The following ADGRL3 variants were observed in gnomAD, a reference collection of about 807,000 sequenced individuals.
ADGRL3 encodes adhesion G protein-coupled receptor L3, also known as calcium-independent alpha-latrotoxin receptor 3.
A neutral mutation model predicts 153.5 loss-of-function variants in ADGRL3; 62 were observed. The ratio of observed to expected loss-of-function variants is 0.40; its 90% CI spans 0.33 to 0.50. The LOEUF is 0.50. Ranked by LOEUF, ADGRL3 falls within the 20% of genes least tolerant of loss-of-function variation. ADGRL3 has a pLI of 0.47. For synonymous variants in ADGRL3, 710 were observed against 672.5 expected, an observed-to-expected ratio of 1.06 and a Z score of -0.86; for missense variants, 1,641 against 1,859.4, an observed-to-expected ratio of 0.88 and a Z score of 2.16.
chr4:61,977,561 G>A (rs2099052483), intron 17 of ADGRL3, among the ~76,000 whole-genome samples: 1 of 152,244 alleles, frequency 6.6e-6, no homozygotes, highest in Admixed American at 6.5e-5. Flanking sequence ...CAAGAGTTAT[G>A]CAGGAATATT....
chr4:61,431,333 T>C (rs2097353353), intron 2 of ADGRL3, among the ~76,000 whole-genome samples: 1 of 152,204 alleles, frequency 6.6e-6, no homozygotes, highest in Admixed American at 6.5e-5. Flanking sequence ...GTCCTCCCCA[T>C]GGCTGTCCTC....
At chr4:62,052,463 A>T (rs546770796) in intron 25 of ADGRL3, among the ~76,000 whole-genome samples, 3 of 151,510 alleles carry the variant, frequency 2.0e-5, no homozygotes, top group Admixed American at 1.3e-4. Context: ...CCGTGTAAGG[A>T]AAAAAATGCT....
chr4:61,668,932 T>C (rs2094898376), intron 5 of ADGRL3, among the ~76,000 whole-genome samples: 1 of 152,100 alleles, frequency 6.6e-6, no homozygotes, highest in African/African-American at 2.4e-5. Context: ...AGTAAGAGGA[T>C]AGCTTGAGCT....
intron 4 of ADGRL3, among the ~76,000 whole-genome samples, chr4:61,550,448 T>G (rs1171149619): frequency 6.6e-6 from 1 of 152,044 alleles, no homozygotes; most frequent in Non-Finnish European, 1.5e-5. Flanking sequence ...CTATGCCTTA[T>G]TTCTACCTTA....
chr4:61,998,986 G>A (rs2099131381), intron 21 of ADGRL3, among the ~76,000 whole-genome samples: 1 of 152,156 alleles, frequency 6.6e-6, no homozygotes, highest in African/African-American at 2.4e-5. Flanking sequence ...ACCAAAAGGG[G>A]AATTTTACAT....
intron 1 of ADGRL3, among the ~76,000 whole-genome samples, chr4:61,214,557 C>T (rs1195123098): frequency 1.3e-5 from 2 of 152,110 alleles, no homozygotes; most frequent in African/African-American, 4.8e-5. Context: ...AGTAATTAAA[C>T]AGAACATTTT....
intron 1 of ADGRL3, among the ~76,000 whole-genome samples, chr4:61,266,860 C>A (rs1186350752): frequency 6.6e-6 from 1 of 151,556 alleles, no homozygotes; most frequent in Admixed American, 6.6e-5. Flanking sequence ...ATCATAGGAA[C>A]GTTGCTGCAA....
At chr4:62,007,443 CACACATATATATACATATATGTGTGT>C (rs1560498169) in intron 21 of ADGRL3, among the ~76,000 whole-genome samples, 35 of 127,274 alleles carry the variant, frequency 2.7e-4, no homozygotes, top group African/African-American at 1.0e-3. Flanking sequence ...TATATATACA[CACACATATATATACATATATGTGTGT>C]GTATATATAT....
At chr4:61,966,156 G>C (rs535900318) in intron 17 of ADGRL3, among the ~76,000 whole-genome samples, 5 of 152,088 alleles carry the variant, frequency 3.3e-5, no homozygotes, top group Non-Finnish European at 7.4e-5. Flanking sequence ...AATGACATGG[G>C]TGTGCGTATG....
chr4:61,952,542 G>A (rs1476572498), intron 17 of ADGRL3, among the ~76,000 whole-genome samples: 1 of 151,790 alleles, frequency 6.6e-6, no homozygotes. Context: ...GAGAGATGGT[G>A]CAGGTATACC....
At chr4:61,978,781 T>C (rs953316477) in intron 17 of ADGRL3, among the ~76,000 whole-genome samples, 4 of 152,188 alleles carry the variant, frequency 2.6e-5, no homozygotes, top group Non-Finnish European at 5.9e-5. Flanking sequence ...TCGTGAACTT[T>C]TTCTTGTTTC....
At chr4:61,252,992 C>A (rs915494288) in intron 1 of ADGRL3, among the ~76,000 whole-genome samples, 2 of 152,094 alleles carry the variant, frequency 1.3e-5, no homozygotes, top group African/African-American at 4.8e-5. Context: ...GTGTGTCATG[C>A]ATGTATTTTT....
At chr4:61,595,848 T>A (rs2098986930) in intron 5 of ADGRL3, among the ~76,000 whole-genome samples, 1 of 152,146 alleles carries the variant, frequency 6.6e-6, no homozygotes, top group African/African-American at 2.4e-5. Flanking sequence ...GATGAGTGAT[T>A]CCCCTCTGTC....
intron 21 of ADGRL3, among the ~76,000 whole-genome samples, chr4:62,002,614 A>G (rs114338952): frequency 0.011 from 1,718 of 152,102 alleles, 9 homozygotes; most frequent in South Asian, 0.02. Flanking sequence ...AGGGGAAATG[A>G]GGTATGCCAA....
At chr4:62,007,411 T>TACACACAC (rs2099164472) in intron 21 of ADGRL3, among the ~76,000 whole-genome samples, 1 of 82,574 alleles carries the variant, frequency 1.2e-5, no homozygotes, top group Admixed American at 1.3e-4. Flanking sequence ...TATATACACG[T>TACACACAC]ATATATATAT....
intron 8 of ADGRL3, among the ~76,000 whole-genome samples, chr4:61,781,253 G>C (rs945181758): frequency 6.7e-6 from 1 of 149,534 alleles, no homozygotes; most frequent in Non-Finnish European, 1.5e-5. Flanking sequence ...TTGAACCGGG[G>C]AAGCAGAGGT....
At chr4:61,277,946 A>G (rs2093551384) in intron 1 of ADGRL3, among the ~76,000 whole-genome samples, 1 of 152,190 alleles carries the variant, frequency 6.6e-6, no homozygotes, top group Non-Finnish European at 1.5e-5. Flanking sequence ...ACCTAATCCC[A>G]TGAGGGAAGC....
intron 9 of ADGRL3, among the ~76,000 whole-genome samples, chr4:61,870,460 C>A (rs779010375): frequency 6.6e-6 from 1 of 152,102 alleles, no homozygotes; most frequent in Non-Finnish European, 1.5e-5. Flanking sequence ...AAATTGGACT[C>A]CATCAAAATG....
chr4:61,399,491 A>C (rs1233675829), intron 2 of ADGRL3, among the ~76,000 whole-genome samples: 4 of 151,716 alleles, frequency 2.6e-5, no homozygotes, highest in African/African-American at 7.2e-5. Context: ...TCATTTCATT[A>C]ATTTTCAAGT....
Sources: gnomAD v4.1 joint callset for allele counts (sites outside exome capture counted in the v4.1 genomes callset) on GRCh38, gnomAD v4.1.1 for gene constraint, MANE v1.5 for transcripts, NCBI Gene and HGNC (gene_info 2026-07-23, HGNC 2026-07-21) for gene names.